Variants in ZC3H12B observed in about 807,000 individuals in gnomAD.
The protein encoded by ZC3H12B is probable ribonuclease ZC3H12B.
A neutral mutation model predicts 43.9 loss-of-function variants in ZC3H12B; 7 were observed. The ratio of observed to expected loss-of-function variants is 0.16; its 90% CI spans 0.09 to 0.30. The LOEUF is 0.30. ZC3H12B is among the 10% of genes least tolerant of loss of function. ZC3H12B has a pLI of 1.00. For synonymous variants in ZC3H12B, 222 were observed against 241.7 expected, an observed-to-expected ratio of 0.92 and a Z score of 0.76; for missense variants, 475 against 670.2, an observed-to-expected ratio of 0.71 and a Z score of 3.22.
At chrX:65,074,343 T>G in the ZC3H12B span, among the ~76,000 whole-genome samples, 1 of 111,281 alleles carries the variant, frequency 9.0e-6, no homozygotes. Flanking sequence ...ATAAATCTAC[T>G]GATAGTTTTA....
chrX:65,194,040 A>T, the ZC3H12B span, among the ~76,000 whole-genome samples: 1 of 109,310 alleles, frequency 9.1e-6, no homozygotes, highest in African/African-American at 3.3e-5. Flanking sequence ...ACTTTTAAAC[A>T]ACCAGATATC....
At chrX:65,211,084 GAAAGA>G in the ZC3H12B span, among the ~76,000 whole-genome samples, 1 of 48,983 alleles carries the variant, frequency 2.0e-5, no homozygotes, top group Admixed American at 2.0e-4. Context: ...AAAAAAAAAA[GAAAGA>G]AAAAAAAAAA....
At chrX:65,458,223 C>A (rs2067665271) in intron 3 of ZC3H12B, among the ~76,000 whole-genome samples, 1 of 109,684 alleles carries the variant, frequency 9.1e-6, no homozygotes. Flanking sequence ...TCCTTAGAGA[C>A]CTACAAAGAG....
the ZC3H12B span, among the ~76,000 whole-genome samples, chrX:65,254,265 G>T: frequency 8.9e-6 from 1 of 112,438 alleles, no homozygotes; most frequent in African/African-American, 3.2e-5. Flanking sequence ...CTAGTATCCC[G>T]CCCCAGGTGA....
chrX:65,140,580 A>T, the ZC3H12B span, among the ~76,000 whole-genome samples: 2 of 111,332 alleles, frequency 1.8e-5, no homozygotes, highest in African/African-American at 6.5e-5. Context: ...TCTTCTGTCC[A>T]CTGTAGTGTC....
chrX:65,500,756 A>T (rs1477539725), intron 4 of ZC3H12B, among the ~76,000 whole-genome samples: 5 of 107,526 alleles, frequency 4.7e-5, no homozygotes, highest in Non-Finnish European at 7.7e-5. Context: ...TTTTTTTTTT[A>T]AATAAATATA....
the ZC3H12B span, among the ~76,000 whole-genome samples, chrX:65,160,371 G>T: frequency 9.0e-6 from 1 of 111,620 alleles, no homozygotes; most frequent in East Asian, 2.8e-4. Flanking sequence ...GTAGAATTCG[G>T]CTGTGAATCC....
At chrX:65,260,925 G>C in the ZC3H12B span, among the ~76,000 whole-genome samples, 1 of 111,563 alleles carries the variant, frequency 9.0e-6, no homozygotes, top group Non-Finnish European at 1.9e-5. Context: ...GTGCCTTGTA[G>C]AATTATTAAG....
chrX:65,329,902 G>A, the ZC3H12B span, among the ~76,000 whole-genome samples: 17 of 111,057 alleles, frequency 1.5e-4, no homozygotes, highest in South Asian at 3.7e-4. Context: ...TGTTCCATTG[G>A]TCTATATCTC....
intron 3 of ZC3H12B, among the ~76,000 whole-genome samples, chrX:65,457,438 T>C (rs200941202): frequency 6.6e-5 from 4 of 60,579 alleles, no homozygotes; most frequent in African/African-American, 3.1e-4. Context: ...TCCGGGAGGG[T>C]GGTGGGGGGG....
At chrX:65,058,083 C>T in the ZC3H12B span, among the ~76,000 whole-genome samples, 1 of 112,505 alleles carries the variant, frequency 8.9e-6, no homozygotes, top group African/African-American at 3.2e-5. Context: ...TCTCTCAACT[C>T]CTCAGAGGCA....
At chrX:65,281,558 C>A in the ZC3H12B span, among the ~76,000 whole-genome samples, 2 of 112,238 alleles carry the variant, frequency 1.8e-5, no homozygotes, top group African/African-American at 6.5e-5. Context: ...AAATGTTTCA[C>A]AAACACTCCT....
chrX:65,255,143 G>A, the ZC3H12B span, among the ~76,000 whole-genome samples: 6 of 112,117 alleles, frequency 5.4e-5, no homozygotes, highest in East Asian at 1.4e-3. Context: ...ACATATTTCA[G>A]GATATCATCT....
chrX:65,411,479 G>A (rs745327193), intron 3 of ZC3H12B, among the ~76,000 whole-genome samples: 1 of 111,516 alleles, frequency 9.0e-6, no homozygotes, highest in South Asian at 3.8e-4. Context: ...TGTAATCACA[G>A]CACTTTGGGA....
At chrX:65,430,424 A>G (rs1242644402) in intron 3 of ZC3H12B, among the ~76,000 whole-genome samples, 1 of 105,757 alleles carries the variant, frequency 9.5e-6, no homozygotes, top group African/African-American at 3.5e-5. Context: ...TACATGTGTC[A>G]TGTTGGTGTG....
At chrX:65,401,008 A>G (rs2066755464) in intron 3 of ZC3H12B, among the ~76,000 whole-genome samples, 1 of 109,794 alleles carries the variant, frequency 9.1e-6, no homozygotes, top group Admixed American at 9.8e-5. Flanking sequence ...TTCAGAGAGG[A>G]CCAAGATGGC....
At chrX:65,190,018 C>A in the ZC3H12B span, among the ~76,000 whole-genome samples, 1 of 111,237 alleles carries the variant, frequency 9.0e-6, no homozygotes, top group East Asian at 2.8e-4. Context: ...CTACATATGG[C>A]TATCCAGTTT....
At chrX:65,264,657 T>C in the ZC3H12B span, among the ~76,000 whole-genome samples, 2 of 111,898 alleles carry the variant, frequency 1.8e-5, no homozygotes, top group African/African-American at 6.5e-5. Flanking sequence ...GAGATTATTA[T>C]TATTTTCATT....
the ZC3H12B span, among the ~76,000 whole-genome samples, chrX:65,263,145 T>C: frequency 9.0e-6 from 1 of 111,437 alleles, no homozygotes; most frequent in Non-Finnish European, 1.9e-5. Context: ...ATAAATAATA[T>C]GCATGAGGTT....
Sources: allele counts gnomAD v4.1 joint callset (sites outside exome capture counted in the v4.1 genomes callset), GRCh38; gene constraint gnomAD v4.1.1; transcripts MANE v1.5; gene names NCBI Gene and HGNC (gene_info 2026-07-23, HGNC 2026-07-21).